FRMD4A: variants seen among roughly 807,000 people sequenced by gnomAD.
FRMD4A encodes FERM domain containing 4A, also known as FERM domain-containing protein 4A.
FRMD4A carries 29 observed loss-of-function variants against 129.1 expected under a neutral mutation model. That is an observed-to-expected ratio of 0.22 (90% confidence interval 0.17 to 0.31). The LOEUF is 0.31. Ranked by LOEUF, FRMD4A falls within the 10% of genes least tolerant of loss-of-function variation. FRMD4A has a pLI of 1.00. For missense variants in FRMD4A, 1,272 were observed against 1,375.8 expected (o/e 0.92, Z 1.19); for synonymous variants, 634 against 571.6 (o/e 1.11, Z -1.56).
chr10:13,859,821 C>T lies in FRMD4A; in HGVS notation c.46-909G>A, dbSNP rs111773295. The stretch of plus-strand genomic sequence containing the variant: ...ATGAACCCACAGGCAAATCCAACCC[C>T]GTCCCTTGTGCCTTTCAGGACTGAA... On this transcript the variant is annotated intron_variant, in intron 2 of 24. Coordinates refer to ENST00000357447, the MANE Select transcript of FRMD4A (RefSeq NM_018027.5). Among the ~76,000 whole-genome samples the T allele has an allele frequency of 7.8e-3, 1,193 of 152,260 alleles. 10 individuals are homozygous for T. The highest frequency in any genetic ancestry group is 0.021 in the African/African-American group (857 of 41,546).
At chr10:13,969,136 G>GCC (rs2095503063) in intron 2 of FRMD4A, among the ~76,000 whole-genome samples, 1 of 152,192 alleles carries the variant, frequency 6.6e-6, no homozygotes, top group South Asian at 2.1e-4. Flanking sequence ...CTTCTCCCAG[G>GCC]CCCCTCGGCC....
At chr10:14,019,614 A>T (rs1192628997) in intron 2 of FRMD4A, among the ~76,000 whole-genome samples, 1 of 152,220 alleles carries the variant, frequency 6.6e-6, no homozygotes, top group Non-Finnish European at 1.5e-5. Flanking sequence ...TCAGCTTTCA[A>T]ATGTTATGAA....
At chr10:13,647,100 C>A (rs146945206) in intron 24 of FRMD4A, 65 bp from the exon 25 acceptor site, 25 of 243,552 alleles carry the variant, frequency 1.0e-4, no homozygotes, top group African/African-American at 5.8e-4. Context: ...TTCAGCCAGG[C>A]CTGCACTGAG....
rs201917368 is a variant in FRMD4A at position 13,707,739 on chromosome 10, ATTC to A, written c.760-629_760-627del. 5.0e-3 allele frequency: 4,910 copies of A among 985,366 alleles called. 168 individuals are homozygous for A. The African/African-American group carries it at 0.078, about 16-fold the overall frequency. 61.0% of individuals were successfully genotyped at this position (985,366 alleles called of 1,614,324 possible). On this transcript the variant is annotated intron_variant, in intron 12 of 24. Transcript: ENST00000357447. ...ATCACAGTGTGAGCCTGTCAAGCCC[ATTC>A]TTCTTGCTGCAGCACAAAGAAAACC...
Position 14,130,597 on chromosome 10 carries a change from T to A in FRMD4A, c.45+199461A>T, listed in dbSNP as rs139167486. ...TCTTCTTTAGGATTTGTTGGCATGT[T>A]TGGTGTGTAAAAAGCAGTCCCCGGT... On this transcript the variant is annotated intron_variant, in intron 2 of 24. Transcript: ENST00000357447. Among the ~76,000 whole-genome samples the A allele has an allele frequency of 2.5e-3, 379 of 152,226 alleles. 3 individuals carry two copies. The highest frequency in any genetic ancestry group is 7.9e-3 in the African/African-American group (330 of 41,524).
chr10:13,891,646 G>T (rs936333088), intron 2 of FRMD4A: 14 of 985,190 alleles, frequency 1.4e-5, no homozygotes, highest in Non-Finnish European at 1.7e-5. Context: ...GCGCTTCCAA[G>T]GGATCCGAGG....
At chr10:13,760,262 C>A (rs1025957235) in intron 8 of FRMD4A, among the ~76,000 whole-genome samples, 1 of 152,016 alleles carries the variant, frequency 6.6e-6, no homozygotes, top group African/African-American at 2.4e-5. Flanking sequence ...AAAAGCTCGC[C>A]GATCCTTGTT....
intron 2 of FRMD4A, among the ~76,000 whole-genome samples, chr10:13,880,556 C>A (rs112140649): frequency 1.3e-5 from 2 of 152,180 alleles, no homozygotes; most frequent in African/African-American, 4.8e-5. Flanking sequence ...GGGAGAGCCC[C>A]CCAGGGTAGA....
chr10:13,739,225 T>C (rs563031296), intron 11 of FRMD4A, among the ~76,000 whole-genome samples: 4 of 152,258 alleles, frequency 2.6e-5, no homozygotes, highest in South Asian at 4.2e-4. Context: ...AGCTTCTGGG[T>C]ATATGATTTC....
chr10:14,324,651 C>CTATTTATTTATT (rs10562916), intron 2 of FRMD4A, among the ~76,000 whole-genome samples: 69,031 of 151,114 alleles, frequency 0.46, 16,449 homozygotes, highest in Non-Finnish European at 0.54. Context: ...TATCTTAATG[C>CTATTTATTTATT]TATTTATTTA....
In FRMD4A at chr10:14,000,646, C is replaced by CAAAAAAAAAA. The variant is rs11377448; in HGVS notation, c.46-141744_46-141735dup. On this transcript the variant is annotated intron_variant, in intron 2 of 24. Transcript: ENST00000357447. Reference sequence around the variant, plus strand: ...TGGGTGACAGAGCAAGACGCCACCTCAAAAAAAAAAAAAAAAAAAAAAGAG... The same window carrying CAAAAAAAAAA: ...TGGGTGACAGAGCAAGACGCCACCTCAAAAAAAAAAAAAAAAAAAAAAAAAAAAAAAAGAG... Among the ~76,000 whole-genome samples, 261 of 43,270 alleles carry CAAAAAAAAAA rather than the reference C, an allele frequency of 6.0e-3. 10 individuals carry two copies. The highest frequency in any genetic ancestry group is 0.023 in the East Asian group (35 of 1,516). The allele number at this position is 43,270 out of a possible 152,430, so 28.4% of individuals were successfully genotyped here.
chr10:13,903,723 A>T (rs1315626099), intron 2 of FRMD4A, among the ~76,000 whole-genome samples: 2 of 151,964 alleles, frequency 1.3e-5, no homozygotes, highest in African/African-American at 4.8e-5. Flanking sequence ...ATAAAAATAA[A>T]AAAAAAATAG....
intron 2 of FRMD4A, among the ~76,000 whole-genome samples, chr10:14,168,005 G>A (rs1361923686): frequency 1.3e-5 from 2 of 152,280 alleles, no homozygotes; most frequent in African/African-American, 2.4e-5. Context: ...TCAGTGAGTC[G>A]GGATTTCTGG....
rs1469168711 is a variant in FRMD4A, at chr10:13,644,127, C to G, written c.*2911G>C. The G allele has an allele frequency of 1.3e-5, 2 of 152,560 alleles. No homozygotes were observed. Among genetic ancestry groups the G allele is most frequent in the Non-Finnish European group, 2.9e-5 (2 of 68,040 alleles). The allele number at this position is 152,560 out of a possible 1,614,324, so 9.5% of individuals were successfully genotyped here. On this transcript the variant is annotated 3_prime_UTR_variant, in exon 25 of 25. Coordinates refer to ENST00000357447, the MANE Select transcript of FRMD4A (RefSeq NM_018027.5). ...CAAATTGGAATTTTAACAGTTTCAACACTCACCTGCATATAATAAAATAAA... is the reference window on the plus strand; with the variant it reads ...CAAATTGGAATTTTAACAGTTTCAAGACTCACCTGCATATAATAAAATAAA...
chr10:13,956,878 A>C (rs1303624197), intron 2 of FRMD4A, among the ~76,000 whole-genome samples: 1 of 152,306 alleles, frequency 6.6e-6, no homozygotes, highest in Middle Eastern at 3.4e-3. Context: ...AATCCTGGGA[A>C]GGGGGAAAGT....
intron 2 of FRMD4A, among the ~76,000 whole-genome samples, chr10:13,993,786 G>C (rs1243573537): frequency 6.6e-6 from 1 of 151,608 alleles, no homozygotes; most frequent in African/African-American, 2.4e-5. Context: ...TGGAGGACGT[G>C]TATTCAATGT....
chr10:14,039,411 T>TCC (rs1565204597), intron 2 of FRMD4A, among the ~76,000 whole-genome samples: 26 of 54,262 alleles, frequency 4.8e-4, no homozygotes, highest in African/African-American at 1.1e-3. Context: ...TCCATCCATC[T>TCC]ATCTATCTAT....
intron 2 of FRMD4A, among the ~76,000 whole-genome samples, chr10:14,119,995 C>CTTTT (rs34292351): frequency 2.3e-5 from 3 of 131,226 alleles, no homozygotes; most frequent in Non-Finnish European, 1.6e-5. Flanking sequence ...ATGTCATCTG[C>CTTTT]TTTTTTTTTT....
intron 9 of FRMD4A, among the ~76,000 whole-genome samples, chr10:13,743,431 T>C (rs1289451976): frequency 6.6e-6 from 1 of 151,974 alleles, no homozygotes; most frequent in Non-Finnish European, 1.5e-5. Context: ...AGCAACTCAG[T>C]GTAGATAGGG....
Sources: gnomAD v4.1 joint callset for allele counts (sites outside exome capture counted in the v4.1 genomes callset) on GRCh38, gnomAD v4.1.1 for gene constraint, MANE v1.5 for transcripts, NCBI Gene and HGNC (gene_info 2026-07-23, HGNC 2026-07-21) for gene names.